The following GALNT13 variants were observed in gnomAD, a reference collection of about 807,000 sequenced individuals.
The protein encoded by GALNT13 is UDP-GalNAc:polypeptide N-acetylgalactosaminyltransferase 13.
Under a neutral mutation model 64.2 loss-of-function variants are expected in GALNT13, and 28 were observed. The observed-to-expected ratio is 0.44, with a 90% CI of 0.32 to 0.60. The LOEUF is 0.60. Ranked by LOEUF, GALNT13 falls within the 20% of genes least tolerant of loss-of-function variation. GALNT13 has a pLI of 0.05. For missense variants in GALNT13, 577 were observed against 669.8 expected (o/e 0.86, Z 1.53); for synonymous variants, 214 against 224.6 (o/e 0.95, Z 0.42).
the GALNT13 span, among the ~76,000 whole-genome samples, chr2:153,517,965 A>T: frequency 6.6e-6 from 1 of 152,196 alleles, no homozygotes; most frequent in African/African-American, 2.4e-5. Context: ...AGCATGAAAC[A>T]CTTGATATGA....
the GALNT13 span, among the ~76,000 whole-genome samples, chr2:153,182,045 CTTTT>C: frequency 9.5e-5 from 14 of 146,988 alleles, no homozygotes; most frequent in African/African-American, 3.5e-4. Flanking sequence ...CTTTTCTTTT[CTTTT>C]TTTTTTCTTT....
rs560360615 is a variant in GALNT13, at chr2:153,982,533, T to C, written c.142+37894T>C. ...TGAAGTCAATGTACCTAAGGGAAAA[T>C]AGTGACAGAGACAGATTAGTTTCTG... is the stretch of plus-strand genomic sequence containing the variant. On this transcript the variant is annotated intron_variant, in intron 3 of 12. Coordinates refer to ENST00000392825, the MANE Select transcript of GALNT13 (RefSeq NM_052917.4). Among the ~76,000 whole-genome samples, 142 of 152,122 alleles carry C rather than the reference T, an allele frequency of 9.3e-4. No homozygotes were observed. In the Middle Eastern group the frequency reaches 0.01, roughly 11 times the overall value.
chr2:154,299,455 CTT>C (rs1188035624), intron 8 of GALNT13, among the ~76,000 whole-genome samples: 11 of 131,492 alleles, frequency 8.4e-5, no homozygotes, highest in Admixed American at 1.6e-4. Flanking sequence ...CAATGAAATA[CTT>C]TTTTTTTTTT....
the GALNT13 span, among the ~76,000 whole-genome samples, chr2:153,206,305 G>A: frequency 6.6e-6 from 1 of 152,044 alleles, no homozygotes; most frequent in African/African-American, 2.4e-5. Flanking sequence ...TTGGCAGCCT[G>A]CTTTTCACTG....
chr2:154,319,203 C>T (rs1402505347), intron 9 of GALNT13, among the ~76,000 whole-genome samples: 3 of 152,050 alleles, frequency 2.0e-5, no homozygotes, highest in Non-Finnish European at 2.9e-5. Flanking sequence ...GTTAAAAGTA[C>T]ATAAAATAAA....
At chr2:153,582,644 G>C in the GALNT13 span, among the ~76,000 whole-genome samples, 1 of 152,036 alleles carries the variant, frequency 6.6e-6, no homozygotes, top group Admixed American at 6.6e-5. Flanking sequence ...AATTATGGTT[G>C]CTTCTTTGAA....
the GALNT13 span, among the ~76,000 whole-genome samples, chr2:153,095,443 T>G: frequency 1.3e-5 from 2 of 152,236 alleles, no homozygotes; most frequent in African/African-American, 4.8e-5. Flanking sequence ...TTGATGGAAC[T>G]GTAAACTAGT....
chr2:154,124,344 A>T (rs1682131420), intron 3 of GALNT13, among the ~76,000 whole-genome samples: 1 of 152,052 alleles, frequency 6.6e-6, no homozygotes, highest in Non-Finnish European at 1.5e-5. Context: ...CAGAATTTGA[A>T]TCGAGTATAT....
chr2:153,516,747 A>G, the GALNT13 span, among the ~76,000 whole-genome samples: 82 of 152,264 alleles, frequency 5.4e-4, 1 homozygote, highest in East Asian at 0.013. Flanking sequence ...AAATAGTTAA[A>G]TAATTGAAAT....
chr2:154,210,858 T>C, intron 4 of GALNT13, among the ~76,000 whole-genome samples: 1 of 152,106 alleles, frequency 6.6e-6, no homozygotes, highest in East Asian at 1.9e-4. Context: ...AATCAAGATA[T>C]ATTTAGGGAG....
At chr2:153,610,759 A>C in the GALNT13 span, among the ~76,000 whole-genome samples, 6 of 152,194 alleles carry the variant, frequency 3.9e-5, no homozygotes, top group Non-Finnish European at 4.4e-5. Context: ...AAAATAAAAT[A>C]TTTCAGACGT....
intron 9 of GALNT13, among the ~76,000 whole-genome samples, chr2:154,320,482 A>G (rs1056001345): frequency 2.0e-5 from 3 of 152,192 alleles, no homozygotes; most frequent in Non-Finnish European, 4.4e-5. Context: ...GATGTTGCCC[A>G]GAAATGTTTA....
At chr2:153,458,842 C>A in the GALNT13 span, among the ~76,000 whole-genome samples, 1 of 152,122 alleles carries the variant, frequency 6.6e-6, no homozygotes, top group Non-Finnish European at 1.5e-5. Context: ...GAAGTTTGCT[C>A]CAACAATTTC....
the GALNT13 span, among the ~76,000 whole-genome samples, chr2:153,658,559 T>C: frequency 6.6e-6 from 1 of 152,298 alleles, no homozygotes; most frequent in African/African-American, 2.4e-5. Flanking sequence ...ACTGCAAACA[T>C]ACAAGTACTT....
chr2:154,025,884 A>C (rs1441458903), intron 3 of GALNT13, among the ~76,000 whole-genome samples: 1 of 152,138 alleles, frequency 6.6e-6, no homozygotes, highest in East Asian at 1.9e-4. Context: ...TCAATATATG[A>C]ATAAATGAGA....
intron 4 of GALNT13, among the ~76,000 whole-genome samples, chr2:154,141,843 A>C (rs939617459): frequency 6.6e-6 from 1 of 152,326 alleles, no homozygotes; most frequent in African/African-American, 2.4e-5. Context: ...GCACTTGGAA[A>C]TAATATTGCA....
chr2:153,461,605 G>A, the GALNT13 span, among the ~76,000 whole-genome samples: 33 of 152,168 alleles, frequency 2.2e-4, no homozygotes, highest in Admixed American at 5.2e-4. Context: ...ACCCAGGATC[G>A]TGCCGGAGTG....
the GALNT13 span, among the ~76,000 whole-genome samples, chr2:153,264,693 G>T: frequency 6.6e-6 from 1 of 152,158 alleles, no homozygotes; most frequent in Non-Finnish European, 1.5e-5. Context: ...AGGAGCTAAT[G>T]CAGGAACCAA....
chr2:154,231,488 G>A (rs1296236829), intron 4 of GALNT13, among the ~76,000 whole-genome samples: 1 of 151,562 alleles, frequency 6.6e-6, no homozygotes, highest in African/African-American at 2.4e-5. Flanking sequence ...TTACTACTCT[G>A]GTGAGGCACT....
Sources: allele counts gnomAD v4.1 joint callset (sites outside exome capture counted in the v4.1 genomes callset), GRCh38; gene constraint gnomAD v4.1.1; transcripts MANE v1.5; gene names NCBI Gene and HGNC (gene_info 2026-07-23, HGNC 2026-07-21).